FAP: variants seen among roughly 807,000 people sequenced by gnomAD.
FAP encodes the protein fibroblast activation protein alpha, also known as prolyl endopeptidase FAP.
Under a neutral mutation model 126.5 loss-of-function variants are expected in FAP, and 110 were observed. The ratio of observed to expected loss-of-function variants is 0.87; its 90% CI spans 0.74 to 1.02. The LOEUF (loss-of-function observed/expected upper bound fraction) is 1.02. Ranked by LOEUF, FAP falls within the 50% of genes least tolerant of loss-of-function variation. FAP has a pLI of 0.00. For synonymous variants in FAP, 334 were observed against 297.3 expected (o/e 1.12, Z -1.27); for missense variants, 919 against 909.2 (o/e 1.01, Z -0.14).
intron 2 of FAP, among the ~76,000 whole-genome samples, chr2:162,238,115 A>T (rs1310903712): frequency 6.6e-6 from 1 of 151,270 alleles, no homozygotes; most frequent in Non-Finnish European, 1.5e-5. Context: ...TCAGGTGGAG[A>T]GATTGGAAAA....
At chr2:162,171,148 T>C in intron 25 of FAP, 68 bp from the exon 26 acceptor site, 1 of 1,232,464 alleles carries the variant, frequency 8.1e-7, no homozygotes, top group Admixed American at 1.7e-5. Context: ...TGGACTTTTT[T>C]GTGCTCTCAG....
chr2:162,222,800 T>C (rs768888294), intron 6 of FAP, among the ~76,000 whole-genome samples: 12 of 152,198 alleles, frequency 7.9e-5, no homozygotes, highest in African/African-American at 9.6e-5. Context: ...CTATGCTTCC[T>C]GGCCTTGGCT....
intron 6 of FAP, chr2:162,221,769 G>A (rs1689412748): frequency 4.4e-6 from 2 of 456,192 alleles, no homozygotes; most frequent in Non-Finnish European, 8.8e-6. Flanking sequence ...CTTTACAAAG[G>A]CGTTCATCTC....
intron 11 of FAP, among the ~76,000 whole-genome samples, chr2:162,213,405 A>C (rs903233628): frequency 2.1e-5 from 3 of 146,122 alleles, no homozygotes. Flanking sequence ...AAAAACAAAC[A>C]AAAAAAACAA....
intron 10 of FAP, 137 bp from the exon 11 acceptor site, chr2:162,214,210 T>C (rs779189483): frequency 4.6e-5 from 29 of 627,946 alleles, no homozygotes; most frequent in Non-Finnish European, 6.3e-5. Context: ...GACAAAACAT[T>C]CCTTTCTCTG....
At chr2:162,210,183 G>A (rs1688870620) in intron 11 of FAP, among the ~76,000 whole-genome samples, 187 bp from the exon 12 acceptor site, 1 of 152,104 alleles carries the variant, frequency 6.6e-6, no homozygotes, top group Admixed American at 6.5e-5. Context: ...GTATATACAT[G>A]GGTAATTTTA....
rs759328211 is a variant in FAP at position 162,225,561 on chromosome 2, A to G, written c.207T>C (p.His69=). The G allele has an allele frequency of 6.3e-7, 1 of 1,598,804 alleles. No individual in the cohort carries two copies. The highest frequency in any genetic ancestry group is 8.5e-7 in the Non-Finnish European group (1 of 1,171,732). The change falls in exon 4 of 26, where the codon CAT becomes CAC. Residue 69 remains histidine (H), a synonymous_variant. Transcript: ENST00000188790. ...PNWISGQEYL[H]QSADNNIVLY... ...GTACTATATTGTTATCTGCAGATTG[A>G]TGAAGATATTCTTGTCCTTTAAACA... is the stretch of plus-strand genomic sequence containing the variant.
At chr2:162,231,724 G>A (rs184922954) in intron 2 of FAP, among the ~76,000 whole-genome samples, 4 of 152,260 alleles carry the variant, frequency 2.6e-5, no homozygotes, top group Non-Finnish European at 4.4e-5. Context: ...TTCTTAAAAC[G>A]TTGTGCTTCA....
intron 21 of FAP, chr2:162,175,201 C>T (rs1327079724): frequency 1.1e-5 from 3 of 284,950 alleles, no homozygotes; most frequent in Admixed American, 5.0e-5. Flanking sequence ...AGAACAGACC[C>T]TCTTAAAACA....
At chr2:162,233,514 G>T (rs755984504) in intron 2 of FAP, among the ~76,000 whole-genome samples, 5 of 152,156 alleles carry the variant, frequency 3.3e-5, no homozygotes, top group Middle Eastern at 3.4e-3. Context: ...TTAGTCATTT[G>T]TATATCTTCC....
In FAP at chr2:162,217,980, A is replaced by T; in HGVS notation, c.762+6T>A. ...ATGAAAGCATCGCTGAAAGTATTCAACATACCTTTGGGTATGGAATATTTA... is the reference window on the plus strand; with the variant it reads ...ATGAAAGCATCGCTGAAAGTATTCATCATACCTTTGGGTATGGAATATTTA... On this transcript the variant is annotated splice_donor_region_variant and intron_variant, in intron 9 of 25. Transcript: ENST00000188790. 1.3e-6 allele frequency: 2 copies of T among 1,568,776 alleles called. No homozygotes were observed. Among genetic ancestry groups the T allele is most frequent in the Non-Finnish European group, 1.7e-6 (2 of 1,157,658 alleles).
At chr2:162,226,417 C>T (rs1689648800) in intron 3 of FAP, 106 bp downstream of exon 3, 2 of 555,820 alleles carry the variant, frequency 3.6e-6, no homozygotes, top group South Asian at 5.8e-5. Context: ...TCTTTTTGTA[C>T]ATTTCAACTG....
Position 162,213,937 on chromosome 2 carries a change from C to G in FAP, c.1002+1G>C. ...GTATCTGTGATCTTAATATACCCTA[C>G]CTTTGGACAATCCCATGTCTGCCAG... On this transcript the variant is annotated splice_donor_variant, in intron 11 of 25. Coordinates refer to ENST00000188790, the MANE Select transcript of FAP (RefSeq NM_004460.5). LOFTEE classifies it high-confidence loss of function. 1.2e-6 allele frequency: 2 copies of G among 1,613,208 alleles called. No individual in the cohort carries two copies. The highest frequency in any genetic ancestry group is 1.7e-6 in the Non-Finnish European group (2 of 1,179,526).
In FAP at chr2:162,219,004, T is replaced by C. The variant is rs1424486755; in HGVS notation, c.607+59A>G. On this transcript the variant is annotated intron_variant, in intron 8 of 25. Coordinates refer to ENST00000188790, the MANE Select transcript of FAP (RefSeq NM_004460.5). ...ACTCATCTAAATCTTACTAAATATA[T>C]GAAATTATTTTAAATTAAAAGCCTA... 5 of 1,359,598 alleles carry C rather than the reference T, an allele frequency of 3.7e-6. No individual in the cohort carries two copies. In the South Asian group the frequency reaches 7.3e-5, roughly 20 times the overall value. 84.2% of individuals were successfully genotyped at this position (1,359,598 alleles called of 1,614,324 possible).
At chr2:162,185,743 G>T (rs1421079219) in intron 20 of FAP, among the ~76,000 whole-genome samples, 1 of 151,990 alleles carries the variant, frequency 6.6e-6, no homozygotes, top group Non-Finnish European at 1.5e-5. Flanking sequence ...AAGATTCAGG[G>T]GAGAAATTTT....
intron 2 of FAP, among the ~76,000 whole-genome samples, chr2:162,238,922 T>C (rs1690241250): frequency 6.6e-6 from 1 of 152,230 alleles, no homozygotes; most frequent in African/African-American, 2.4e-5. Context: ...ATCTCTGTGC[T>C]ATACAAATTA....
chr2:162,197,180 A>G (rs187630779), intron 16 of FAP, among the ~76,000 whole-genome samples: 15 of 152,330 alleles, frequency 9.8e-5, no homozygotes, highest in Non-Finnish European at 8.8e-5. Flanking sequence ...TTTTTGGTAG[A>G]CTGCAAGGGA....
intron 8 of FAP, among the ~76,000 whole-genome samples, chr2:162,218,439 G>A (rs980728949): frequency 6.6e-6 from 1 of 151,868 alleles, no homozygotes; most frequent in Non-Finnish European, 1.5e-5. Context: ...GGCAGTTTCA[G>A]GTTTTTTAGT....
chr2:162,200,999 A>G (rs1688475284), intron 14 of FAP, among the ~76,000 whole-genome samples: 1 of 152,172 alleles, frequency 6.6e-6, no homozygotes, highest in Non-Finnish European at 1.5e-5. Flanking sequence ...CCTTGAATTT[A>G]TTTTATAGAA....
Sources: gnomAD v4.1 joint callset for allele counts (sites outside exome capture counted in the v4.1 genomes callset) on GRCh38, gnomAD v4.1.1 for gene constraint, MANE v1.5 for transcripts, NCBI Gene and HGNC (gene_info 2026-07-23, HGNC 2026-07-21) for gene names.